ABCA13: variants seen among roughly 807,000 people sequenced by gnomAD.
ABCA13 encodes the protein ATP-binding cassette sub-family A member 13.
ABCA13 carries 476 observed loss-of-function variants against 478.7 expected under a neutral mutation model. The ratio of observed to expected loss-of-function variants is 0.99; its 90% CI spans 0.92 to 1.07. ABCA13 has a LOEUF of 1.07. ABCA13 is among the 50% of genes least tolerant of loss of function. The probability of loss-of-function intolerance (pLI) is 0.00; values close to 1 mark genes in which losing one functional copy is unlikely to be tolerated. For missense variants in ABCA13, 6,060 were observed against 5,910.6 expected (o/e 1.03, Z -0.83); for synonymous variants, 2,252 against 2,158.9 (o/e 1.04, Z -1.20).
Position 48,231,338 on chromosome 7 carries a change from G to A in ABCA13, c.763+1383G>A, listed in dbSNP as rs560292224. 3.3e-5 allele frequency among the ~76,000 whole-genome samples: 5 copies of A among 152,288 alleles called. No individual in the cohort carries two copies. The East Asian group carries it at 9.7e-4, about 29-fold the overall frequency. ...ACTTCAAGGAGGAGTTTTGAAGGGT[G>A]AGTTGGAGTTTATCAAAGAGATGAG... On this transcript the variant is annotated intron_variant, in intron 7 of 61. Coordinates refer to ENST00000435803, the MANE Select transcript of ABCA13 (RefSeq NM_152701.5).
intron 42 of ABCA13, among the ~76,000 whole-genome samples, chr7:48,453,637 A>G (rs899982159): frequency 1.3e-5 from 2 of 152,098 alleles, no homozygotes; most frequent in Non-Finnish European, 2.9e-5. Flanking sequence ...TTAGACTTCC[A>G]CATTTTCTTG....
At position 48,403,891 on chromosome 7, in the gene ABCA13, G is replaced by A. The variant is rs1817932384; in HGVS notation, c.12070+12G>A. 1 of 1,606,986 alleles carries A rather than the reference G, an allele frequency of 6.2e-7. No individual in the cohort carries two copies. Among genetic ancestry groups the A allele is most frequent in the African/African-American group, 1.3e-5 (1 of 74,858 alleles). ...CAAGTACCGAGAAGGTAGGCACTGG[G>A]CCTCATTCTGCCTTCTCTTCCCACA... On this transcript the variant is annotated intron_variant, in intron 39 of 61. Coordinates refer to ENST00000435803, the MANE Select transcript of ABCA13 (RefSeq NM_152701.5).
intron 58 of ABCA13, among the ~76,000 whole-genome samples, chr7:48,604,063 G>A (rs1208584547): frequency 6.6e-6 from 1 of 152,062 alleles, no homozygotes; most frequent in Non-Finnish European, 1.5e-5. Flanking sequence ...TATTTCTGTG[G>A]GATCAGTGGT....
In ABCA13 at chr7:48,427,864, T is replaced by G. The variant is rs1214683524; in HGVS notation, c.12558T>G (p.Ser4186=). The G allele has an allele frequency of 1.4e-5, 22 of 1,600,154 alleles. No homozygotes were observed. Among genetic ancestry groups the G allele is most frequent in the Non-Finnish European group, 1.7e-5 (20 of 1,174,246 alleles). ...ACCACAGGCCTACAGGACATCTGTC[T>G]GGCTACTGTAAGTACAGAATGGCTT... is the stretch of plus-strand genomic sequence containing the variant. ...LQNHRPTGHL[S]GYCGSLARPA... Residue 4186 remains serine, a synonymous_variant, in exon 42 of 62, where the codon TCT becomes TCG. Transcript: ENST00000435803.
chr7:48,476,955 G>A (rs1360322611), intron 45 of ABCA13, among the ~76,000 whole-genome samples: 1 of 152,196 alleles, frequency 6.6e-6, no homozygotes, highest in Non-Finnish European at 1.5e-5. Flanking sequence ...ATTTTAAAAT[G>A]TTGTTTGAGG....
At position 48,320,715 on chromosome 7, in the gene ABCA13, T is replaced by C. The variant is rs75368755; in HGVS notation, c.9999+3419T>C. ...ATAAGTAGCATGCCTGAAATGATAC[T>C]TCAGTGAGAATCACCAGGCACATTC... On this transcript the variant is annotated intron_variant, in intron 27 of 61. Transcript: ENST00000435803. 2.1e-3 allele frequency among the ~76,000 whole-genome samples: 315 copies of C among 152,334 alleles called. 8 individuals carry two copies. In the East Asian group the frequency reaches 0.057, roughly 27 times the overall value.
rs141122706 is a variant in ABCA13, at chr7:48,188,320, C to T, written c.70-4639C>T. Among the ~76,000 whole-genome samples, 424 of 152,316 alleles carry T rather than the reference C, an allele frequency of 2.8e-3. 2 individuals are homozygous for T. The highest frequency in any genetic ancestry group is 9.6e-3 in the African/African-American group (401 of 41,572). ...CTCTATGTAGTCCTGGAGGTTTCCT[C>T]GAGAGTCAGCCTCATTGTTCACTTT... On this transcript the variant is annotated intron_variant, in intron 1 of 61. Coordinates refer to ENST00000435803, the MANE Select transcript of ABCA13 (RefSeq NM_152701.5).
rs17712293 is a variant in ABCA13, at chr7:48,271,966, T to G, written c.2300T>G (p.Ile767Ser). ...AGCCTCCCATCTCTCACAGAGGATA[T>G]TCTGAATATAAGTTCTCTGTGGACA... ...FHSLPSLTED[I>S]LNISSLWTNH... Residue 767 changes from isoleucine to serine, a missense_variant, in exon 17 of 62, where the codon ATT becomes AGT. Ile to Ser is a moderately radical substitution (Grantham distance 142). Transcript: ENST00000435803. 0.15 allele frequency: 238,174 copies of G among 1,613,226 alleles called. 18,643 individuals are homozygous for G. The highest frequency in any genetic ancestry group is 0.25 in the Admixed American group (14,979 of 59,940).
chr7:48,642,321 A>G (rs1426965923), intron 59 of ABCA13, among the ~76,000 whole-genome samples: 2 of 152,188 alleles, frequency 1.3e-5, no homozygotes, highest in African/African-American at 4.8e-5. Context: ...TCTGTTAGGG[A>G]TCAGCCTCAT....
At chr7:48,333,592 A>G (rs1027074021) in intron 27 of ABCA13, among the ~76,000 whole-genome samples, 2 of 152,164 alleles carry the variant, frequency 1.3e-5, no homozygotes, top group Non-Finnish European at 2.9e-5. Flanking sequence ...TTTTGTGGGT[A>G]GTCATTCTAC....
Position 48,594,718 on chromosome 7 carries a change from C to G in ABCA13, c.14649C>G (p.Pro4883=). 6.2e-7 allele frequency: 1 copy of G among 1,613,782 alleles called. No homozygotes were observed. Among genetic ancestry groups the G allele is most frequent in the Non-Finnish European group, 8.5e-7 (1 of 1,179,758 alleles). The change falls in exon 58 of 62, where the codon CCC becomes CCG. Residue 4883 remains proline (P), a synonymous_variant. Coordinates refer to ENST00000435803, the MANE Select transcript of ABCA13 (RefSeq NM_152701.5). ...GKPDILLLDE[P]SSGMDPCSKR... ...TGTTGCCTTTCCTTCAGGATGAGCC[C>G]AGCTCTGGGATGGATCCCTGCTCTA...
intron 15 of ABCA13, among the ~76,000 whole-genome samples, chr7:48,251,766 AT>A (rs1454518746): frequency 2.0e-4 from 31 of 151,232 alleles, no homozygotes; most frequent in African/African-American, 7.3e-4. Context: ...TGACTTTCAG[AT>A]TTTCTTATTT....
At position 48,646,958 on chromosome 7, in the gene ABCA13, A is replaced by G. The variant is rs1795472538; in HGVS notation, c.*1446A>G. 1 of 152,236 alleles carries G rather than the reference A, an allele frequency of 6.6e-6. No homozygotes were observed. Among genetic ancestry groups the G allele is most frequent in the Non-Finnish European group, 1.5e-5 (1 of 68,048 alleles). The allele number at this position is 152,236 out of a possible 1,614,324, so 9.4% of individuals were successfully genotyped here. On this transcript the variant is annotated 3_prime_UTR_variant, in exon 62 of 62. Coordinates refer to ENST00000435803, the MANE Select transcript of ABCA13 (RefSeq NM_152701.5). ...TATATACATCTGAATTTTTCATCCT[A>G]TAGTTAGTAAGATGCATAAAATCAA...
intron 45 of ABCA13, among the ~76,000 whole-genome samples, chr7:48,480,750 A>G (rs904809212): frequency 5.9e-5 from 9 of 152,078 alleles, no homozygotes; most frequent in Non-Finnish European, 1.2e-4. Context: ...CAGTGAAAAC[A>G]TTTTTTTTCT....
chr7:48,459,535 T>C (rs149888737), intron 43 of ABCA13, among the ~76,000 whole-genome samples: 13 of 152,318 alleles, frequency 8.5e-5, no homozygotes, highest in African/African-American at 3.1e-4. Context: ...AGATGCCCCC[T>C]TCCAAGGATC....
intron 15 of ABCA13, among the ~76,000 whole-genome samples, chr7:48,259,910 T>C (rs1793945859): frequency 6.6e-6 from 1 of 152,074 alleles, no homozygotes; most frequent in Non-Finnish European, 1.5e-5. Flanking sequence ...CTGCTGTGAA[T>C]ACTTGCAATT....
Position 48,227,396 on chromosome 7 carries a change from T to C in ABCA13, c.603T>C (p.Val201=), listed in dbSNP as rs1431623919. Residue 201 remains valine (V), a synonymous_variant, in exon 6 of 62, where the codon GTT becomes GTC. Coordinates refer to ENST00000435803, the MANE Select transcript of ABCA13 (RefSeq NM_152701.5). ...ATCATGTGGAAGATGGCATGGATGT[T>C]GCAGTGAACCTTCTCCAGACCATTT... ...SHDHVEDGMD[V]AVNLLQTILN... is the part of the protein sequence containing the mutation. 1 of 1,614,002 alleles carries C rather than the reference T, an allele frequency of 6.2e-7. No individual in the cohort carries two copies. The highest frequency in any genetic ancestry group is 1.1e-5 in the South Asian group (1 of 91,086).
chr7:48,314,472 A>G (rs998313014), intron 26 of ABCA13, 63 bp downstream of exon 26: 13 of 1,365,136 alleles, frequency 9.5e-6, no homozygotes, highest in Non-Finnish European at 9.9e-6. Context: ...AATTGGCCTT[A>G]AATTATAGTA....
Position 48,278,152 on chromosome 7 carries a change from A to T in ABCA13, c.6958A>T (p.Met2320Leu). ...ILKLDQFLTL[M>L]IQDRLMNIFS... ...GAAACTGGATCAATTTCTTACCCTG[A>T]TGATACAAGACAGATTGATGAACAT... is the stretch of plus-strand genomic sequence containing the variant. Residue 2320 changes from methionine (M) to leucine (L), a missense_variant, in exon 18 of 62, where the codon ATG (methionine) becomes TTG (leucine). By Grantham distance (15) the Met-to-Leu change is conservative. Around this residue, in one of 3 missense-constraint regions of ABCA13, gnomAD observed 4,423 missense variants for 4,309.1 expected, o/e 1.03. Transcript: ENST00000435803. 4.0e-6 allele frequency: 6 copies of T among 1,494,710 alleles called. No homozygotes were observed. The highest frequency in any genetic ancestry group is 5.4e-6 in the Non-Finnish European group (6 of 1,117,230). 92.6% of individuals were successfully genotyped at this position (1,494,710 alleles called of 1,614,324 possible). A position where few individuals can be genotyped will look rare whatever the true frequency, so the allele number is the denominator to read the frequency against.
Sources: gnomAD v4.1 joint callset for allele counts (sites outside exome capture counted in the v4.1 genomes callset) on GRCh38, gnomAD v4.1.1 for gene constraint, gnomAD v4.1.1 regional missense constraint, MANE v1.5 for transcripts, NCBI Gene and HGNC (gene_info 2026-07-23, HGNC 2026-07-21) for gene names.